INPP5B: variants seen among roughly 807,000 people sequenced by gnomAD.
The protein encoded by INPP5B is inositol polyphosphate-5-phosphatase B.
INPP5B carries 90 observed loss-of-function variants against 118.5 expected under a neutral mutation model. That is an observed-to-expected ratio of 0.76 (90% confidence interval 0.64 to 0.90). The LOEUF is 0.90. Ranked by LOEUF, INPP5B falls within the 40% of genes least tolerant of loss-of-function variation. INPP5B has a pLI of 0.00. For missense variants in INPP5B, 984 were observed against 1,125.6 expected (o/e 0.87, Z 1.80); for synonymous variants, 385 against 418.9 (o/e 0.92, Z 0.99).
chr1:37,902,803 C>G (rs904960281), intron 7 of INPP5B, among the ~76,000 whole-genome samples: 1 of 151,954 alleles, frequency 6.6e-6, no homozygotes, highest in Non-Finnish European at 1.5e-5. Context: ...GGCGATCGAC[C>G]CACCTCAGCC....
chr1:37,877,467 C>T (rs888780547), intron 16 of INPP5B, among the ~76,000 whole-genome samples: 22 of 151,884 alleles, frequency 1.4e-4, no homozygotes, highest in African/African-American at 5.1e-4. Flanking sequence ...ACTGATAAAA[C>T]CCAATATTGA....
At chr1:37,891,112 G>A (rs1643817082) in intron 8 of INPP5B, among the ~76,000 whole-genome samples, 1 of 151,484 alleles carries the variant, frequency 6.6e-6, no homozygotes, top group Non-Finnish European at 1.5e-5. Flanking sequence ...TGTAATCCCA[G>A]CTACTCAAGA....
chr1:37,913,134 G>A (rs560458812), intron 7 of INPP5B, among the ~76,000 whole-genome samples: 2 of 152,278 alleles, frequency 1.3e-5, no homozygotes, highest in East Asian at 1.9e-4. Flanking sequence ...GCGGGTGCCT[G>A]TAGTCCCAGC....
intron 7 of INPP5B, among the ~76,000 whole-genome samples, chr1:37,898,375 C>G (rs545032837): frequency 6.6e-6 from 1 of 152,200 alleles, no homozygotes; most frequent in Non-Finnish European, 1.5e-5. Flanking sequence ...CTATAGCTTT[C>G]AAAACCCACA....
chr1:37,941,457 G>C (rs1457997850), intron 5 of INPP5B, among the ~76,000 whole-genome samples: 1 of 151,618 alleles, frequency 6.6e-6, no homozygotes, highest in African/African-American at 2.4e-5. Flanking sequence ...AGACCAGCTT[G>C]GAAAACACAA....
chr1:37,899,881 T>C (rs1376573354), intron 7 of INPP5B, among the ~76,000 whole-genome samples: 3 of 151,572 alleles, frequency 2.0e-5, no homozygotes, highest in African/African-American at 7.3e-5. Flanking sequence ...ACCCAGCTAA[T>C]TTCTTTGTAT....
intron 21 of INPP5B, 48 bp downstream of exon 21, chr1:37,866,411 C>CAT (rs1243160821): frequency 3.1e-6 from 2 of 646,070 alleles, no homozygotes; most frequent in Non-Finnish European, 4.9e-6. Context: ...CTCTCTCACA[C>CAT]ACACACACAC....
chr1:37,922,588 T>A (rs1464545856), intron 7 of INPP5B, among the ~76,000 whole-genome samples: 1 of 151,862 alleles, frequency 6.6e-6, no homozygotes, highest in Non-Finnish European at 1.5e-5. Flanking sequence ...CCCAGCTACT[T>A]GGGAGGCTGA....
At chr1:37,896,747 G>A (rs1362357285) in intron 7 of INPP5B, among the ~76,000 whole-genome samples, 5 of 132,048 alleles carry the variant, frequency 3.8e-5, no homozygotes, top group African/African-American at 1.4e-4. Flanking sequence ...CCCCCGCCCG[G>A]CCAGCCGCCC....
At chr1:37,934,682 G>C (rs1426078676) in intron 6 of INPP5B, among the ~76,000 whole-genome samples, 1 of 152,210 alleles carries the variant, frequency 6.6e-6, no homozygotes, top group Non-Finnish European at 1.5e-5. Flanking sequence ...AGCACTCAGA[G>C]AAGTTGGTTG....
chr1:37,945,779 C>T lies in INPP5B; in HGVS notation c.129G>A (p.Leu43=). 2 of 1,614,000 alleles carry T rather than the reference C, an allele frequency of 1.2e-6. No individual in the cohort carries two copies. The highest frequency in any genetic ancestry group is 1.1e-5 in the South Asian group (1 of 91,068). Residue 43 remains leucine (L), a synonymous_variant, in exon 3 of 24, where the codon CTG becomes CTA. Transcript: ENST00000373024. ...SRLLGLVRYR[L]EHGGQEHALF... ...ACGCGTGTTCCTGGCCGCCGTGCTCCAGGCGGTAGCGCACGAGTCCCAGGA... is the reference window on the plus strand; with the variant it reads ...ACGCGTGTTCCTGGCCGCCGTGCTCTAGGCGGTAGCGCACGAGTCCCAGGA...
At position 37,936,705 on chromosome 1, in the gene INPP5B, A is replaced by G. The variant is rs1275121066; in HGVS notation, c.391+3983T>C. Among the ~76,000 whole-genome samples the G allele has an allele frequency of 4.6e-5, 7 of 150,814 alleles. No individual in the cohort carries two copies. In the East Asian group the frequency reaches 1.4e-3, roughly 30 times the overall value. On this transcript the variant is annotated intron_variant, in intron 6 of 23. Transcript: ENST00000373024. ...ACTAGAGCAAAACACGCAAGGGCTCAGGCTCTGGAGCAGAACTTTTTTTTT... is the reference window on the plus strand; with the variant it reads ...ACTAGAGCAAAACACGCAAGGGCTCGGGCTCTGGAGCAGAACTTTTTTTTT...
At position 37,864,414 on chromosome 1, in the gene INPP5B, T is replaced by C. The variant is rs765942284; in HGVS notation, c.2524A>G (p.Thr842Ala). ...NYTASKQVIS[T>A]LPIFHKNVFH... ...ACATTTTTGTGGAATATGGGGAGAG[T>C]AGAAATGACCTGAAAGAGGAAGAAC... The change falls in exon 23 of 24, where the codon ACT becomes GCT. Residue 842 changes from threonine (T) to alanine (A), a missense_variant. Coordinates refer to ENST00000373024, the MANE Select transcript of INPP5B (RefSeq NM_005540.3). The C allele has an allele frequency of 9.4e-6, 15 of 1,598,096 alleles. No homozygotes were observed. The highest frequency in any genetic ancestry group is 1.2e-5 in the Non-Finnish European group (14 of 1,166,046).
At chr1:37,941,240 G>C (rs537708417) in intron 5 of INPP5B, among the ~76,000 whole-genome samples, 1 of 152,270 alleles carries the variant, frequency 6.6e-6, no homozygotes, top group African/African-American at 2.4e-5. Flanking sequence ...CAGGGAGCTA[G>C]ACTGTAGAAG....
chr1:37,882,933 C>T lies in INPP5B; in HGVS notation c.1320-15G>A, dbSNP rs1643293917. ...ACAAGATCACACTGTGAGGACAGAG[C>T]ACAAAGGTAACAGGGTTTAGGAGGA... On this transcript the variant is annotated splice_polypyrimidine_tract_variant and intron_variant, in intron 13 of 23. Coordinates refer to ENST00000373024, the MANE Select transcript of INPP5B (RefSeq NM_005540.3). 3 of 1,614,000 alleles carry T rather than the reference C, an allele frequency of 1.9e-6. No homozygotes were observed. The South Asian group carries it at 3.3e-5, about 18-fold the overall frequency.
At position 37,873,946 on chromosome 1, in the gene INPP5B, G is replaced by T. The variant is rs148391949; in HGVS notation, c.1951+47C>A. 7.7e-5 allele frequency: 109 copies of T among 1,413,690 alleles called. 1 individual carries two copies. The East Asian group carries it at 2.6e-3, about 33-fold the overall frequency. 87.6% of individuals were successfully genotyped at this position (1,413,690 alleles called of 1,614,324 possible). ...AGGAAAATGAGCAAATATAGAGTAA[G>T]GCATTCCCCAAACCAGATACCAGGA... On this transcript the variant is annotated intron_variant, in intron 18 of 23. Coordinates refer to ENST00000373024, the MANE Select transcript of INPP5B (RefSeq NM_005540.3).
At position 37,898,650 on chromosome 1, in the gene INPP5B, G is replaced by A. The variant is rs972548033; in HGVS notation, c.533-7196C>T. ...GTGGAGCTTGCAGTGAGCCGAGATC[G>A]CGCCACTGCACTCTGGCCTGGGCGA... On this transcript the variant is annotated intron_variant, in intron 7 of 23. Coordinates refer to ENST00000373024, the MANE Select transcript of INPP5B (RefSeq NM_005540.3). Among the ~76,000 whole-genome samples, 15 of 151,430 alleles carry A rather than the reference G, an allele frequency of 9.9e-5. No individual in the cohort carries two copies. The South Asian group carries it at 1.5e-3, about 15-fold the overall frequency.
chr1:37,914,870 A>G (rs1267664748), intron 7 of INPP5B, among the ~76,000 whole-genome samples: 1 of 152,142 alleles, frequency 6.6e-6, no homozygotes, highest in Non-Finnish European at 1.5e-5. Context: ...AATATATGGC[A>G]CACACCAGGC....
At chr1:37,875,576 A>C (rs377641126) in intron 17 of INPP5B, 30 bp downstream of exon 17, 1 of 1,561,776 alleles carries the variant, frequency 6.4e-7, no homozygotes, top group Non-Finnish European at 8.8e-7. Context: ...CCTGAGCCCA[A>C]TGCTAATATT....
Sources: allele counts gnomAD v4.1 joint callset (sites outside exome capture counted in the v4.1 genomes callset), GRCh38; gene constraint gnomAD v4.1.1; transcripts MANE v1.5; gene names NCBI Gene and HGNC (gene_info 2026-07-23, HGNC 2026-07-21).